DENND4C: variants seen among roughly 807,000 people sequenced by gnomAD.
DENND4C encodes DENN domain-containing protein 4C.
DENND4C carries 108 observed loss-of-function variants against 203.0 expected under a neutral mutation model. The ratio of observed to expected loss-of-function variants is 0.53; its 90% CI spans 0.46 to 0.62. The LOEUF (loss-of-function observed/expected upper bound fraction) is 0.62. Ranked by LOEUF, DENND4C falls within the 20% of genes least tolerant of loss-of-function variation. The pLI is 0.00. For synonymous variants in DENND4C, 871 were observed against 792.4 expected (o/e 1.10, Z -1.67); for missense variants, 2,481 against 2,301.2 (o/e 1.08, Z -1.60).
rs945566448 is a variant in DENND4C at position 19,372,259 on chromosome 9, A to G, written c.*86A>G. ...TTCAAGTTTTTTTTTCCAAATCGTA[A>G]GAACTGGTGAATACGGAATTGAAGT... On this transcript the variant is annotated 3_prime_UTR_variant, in exon 33 of 33. Transcript: ENST00000434457. 2 of 1,492,434 alleles carry G rather than the reference A, an allele frequency of 1.3e-6. No individual in the cohort carries two copies. Among genetic ancestry groups the G allele is most frequent in the African/African-American group, 2.8e-5 (2 of 71,368 alleles). The allele number at this position is 1,492,434 out of a possible 1,614,324, so 92.4% of individuals were successfully genotyped here.
intron 16 of DENND4C, among the ~76,000 whole-genome samples, chr9:19,331,013 G>T (rs900614906): frequency 6.6e-6 from 1 of 151,516 alleles, no homozygotes; most frequent in Non-Finnish European, 1.5e-5. Flanking sequence ...CTGAGATCAC[G>T]CCATTGCACT....
intron 10 of DENND4C, among the ~76,000 whole-genome samples, chr9:19,315,618 C>A (rs529024020): frequency 6.7e-6 from 1 of 150,206 alleles, no homozygotes; most frequent in Non-Finnish European, 1.5e-5. Flanking sequence ...TACACACACA[C>A]ATATATTTTA....
chr9:19,317,892 A>G (rs941830134), intron 12 of DENND4C, among the ~76,000 whole-genome samples: 3 of 152,268 alleles, frequency 2.0e-5, no homozygotes, highest in African/African-American at 7.2e-5. Context: ...AAGAAGCATG[A>G]CTTGGAAGAA....
chr9:19,278,485 C>T (rs1833363512), intron 2 of DENND4C, among the ~76,000 whole-genome samples: 2 of 152,074 alleles, frequency 1.3e-5, no homozygotes, highest in Non-Finnish European at 2.9e-5. Flanking sequence ...TTGACCACCA[C>T]TTGTTACGCT....
intron 5 of DENND4C, among the ~76,000 whole-genome samples, chr9:19,291,149 G>A (rs1027779100): frequency 3.9e-5 from 6 of 152,072 alleles, no homozygotes; most frequent in African/African-American, 1.4e-4. Flanking sequence ...ACAGATCAAG[G>A]ACATAGGTAC....
At chr9:19,298,164 C>T in intron 7 of DENND4C, 42 bp downstream of exon 7, 3 of 1,542,302 alleles carry the variant, frequency 1.9e-6, no homozygotes, top group Non-Finnish European at 2.7e-6. Context: ...TTTGCATATG[C>T]TCACCTGAGT....
chr9:19,327,358 T>G (rs2131710295), intron 15 of DENND4C, among the ~76,000 whole-genome samples: 1 of 152,178 alleles, frequency 6.6e-6, no homozygotes, highest in Non-Finnish European at 1.5e-5. Context: ...CCTTTGAGAT[T>G]GAGAATAGGT....
At chr9:19,322,620 C>A (rs1353633872) in intron 12 of DENND4C, among the ~76,000 whole-genome samples, 2 of 151,392 alleles carry the variant, frequency 1.3e-5, no homozygotes, top group African/African-American at 2.4e-5. Context: ...CCTGTAGTCC[C>A]AGCTTCTCAG....
At chr9:19,318,442 G>A (rs1360687692) in intron 12 of DENND4C, among the ~76,000 whole-genome samples, 1 of 152,200 alleles carries the variant, frequency 6.6e-6, no homozygotes, top group African/African-American at 2.4e-5. Context: ...AATTGTGCTA[G>A]TACAAGTACT....
At chr9:19,350,677 TG>T in intron 23 of DENND4C, 24 bp from the exon 24 acceptor site, 1 of 1,592,458 alleles carries the variant, frequency 6.3e-7, no homozygotes. Context: ...TTTATGTATG[TG>T]GAATTTTTTT....
At chr9:19,299,106 A>C (rs1277272674) in intron 7 of DENND4C, 123 bp from the exon 8 acceptor site, 3 of 673,280 alleles carry the variant, frequency 4.5e-6, no homozygotes, top group East Asian at 6.6e-5. Flanking sequence ...TTGCATATTA[A>C]ATTATTAATG....
At chr9:19,280,929 G>T (rs1376394236) in intron 2 of DENND4C, among the ~76,000 whole-genome samples, 1 of 151,960 alleles carries the variant, frequency 6.6e-6, no homozygotes, top group Admixed American at 6.6e-5. Flanking sequence ...TTTTGTAGAG[G>T]TGGGGTTTCT....
chr9:19,316,692 A>G lies in DENND4C; in HGVS notation c.1660A>G (p.Lys554Glu). ...PIEADFSWQK[K>E]MTQLEMEIQE... ...TGAAGCAGATTTCTCCTGGCAAAAG[A>G]AGATGACACAGCTTGAGATGGAAAT... is the stretch of plus-strand genomic sequence containing the variant. The change falls in exon 12 of 33, where the codon AAG becomes GAG. Residue 554 changes from lysine to glutamate, a missense_variant. This residue lies in a region of DENND4C where 2,289 missense variants were observed against 2,113.3 expected (regional missense o/e 1.08). Coordinates refer to ENST00000434457, the MANE Select transcript of DENND4C (RefSeq NM_001330640.2). 1 of 1,614,150 alleles carries G rather than the reference A, an allele frequency of 6.2e-7. No individual in the cohort carries two copies.
At chr9:19,284,340 T>C (rs1834773462) in intron 2 of DENND4C, among the ~76,000 whole-genome samples, 1 of 152,226 alleles carries the variant, frequency 6.6e-6, no homozygotes, top group African/African-American at 2.4e-5. Context: ...TGTGGATGTA[T>C]TTACTTTATT....
Position 19,372,263 on chromosome 9 carries a change from C to G in DENND4C, c.*90C>G. ...AGTTTTTTTTTCCAAATCGTAAGAA[C>G]TGGTGAATACGGAATTGAAGTAACT... On this transcript the variant is annotated 3_prime_UTR_variant, in exon 33 of 33. Coordinates refer to ENST00000434457, the MANE Select transcript of DENND4C (RefSeq NM_001330640.2). The G allele has an allele frequency of 6.8e-7, 1 of 1,466,112 alleles. No homozygotes were observed. Among genetic ancestry groups the G allele is most frequent in the Non-Finnish European group, 9.2e-7 (1 of 1,081,582 alleles). 90.8% of individuals were successfully genotyped at this position (1,466,112 alleles called of 1,614,324 possible).
At chr9:19,296,970 G>A (rs1837597846) in intron 6 of DENND4C, among the ~76,000 whole-genome samples, 4 of 152,118 alleles carry the variant, frequency 2.6e-5, no homozygotes, top group Admixed American at 2.0e-4. Flanking sequence ...AATTATTTGA[G>A]CTTTCTCTTT....
At chr9:19,328,657 G>GTCTGTCTATCTATCTA (rs1456677474) in intron 16 of DENND4C, among the ~76,000 whole-genome samples, 4 of 119,306 alleles carry the variant, frequency 3.4e-5, no homozygotes, top group South Asian at 2.7e-4. Context: ...CTGTCTGTCT[G>GTCTGTCTATCTATCTA]TCTATCTATC....
chr9:19,243,997 A>G (rs914322129), intron 1 of DENND4C, among the ~76,000 whole-genome samples: 3 of 151,752 alleles, frequency 2.0e-5, no homozygotes, highest in South Asian at 2.1e-4. Context: ...ATTTTTTTGT[A>G]TAGTCAGGGT....
intron 16 of DENND4C, among the ~76,000 whole-genome samples, chr9:19,331,674 G>T (rs1819229778): frequency 6.6e-6 from 1 of 152,164 alleles, no homozygotes; most frequent in African/African-American, 2.4e-5. Context: ...TTCCTTCTTT[G>T]TAAAAGACAT....
Sources: gnomAD v4.1 joint callset for allele counts (sites outside exome capture counted in the v4.1 genomes callset) on GRCh38, gnomAD v4.1.1 for gene constraint, gnomAD v4.1.1 regional missense constraint, MANE v1.5 for transcripts, NCBI Gene and HGNC (gene_info 2026-07-23, HGNC 2026-07-21) for gene names.